Variants in SELENOI observed in about 807,000 individuals in gnomAD.
The protein encoded by SELENOI is selenoprotein I.
SELENOI carries 24 observed loss-of-function variants against 50.7 expected under a neutral mutation model. The observed-to-expected ratio is 0.47, with a 90% confidence interval of 0.34 to 0.67. SELENOI has a LOEUF of 0.67. SELENOI is among the 30% of genes least tolerant of loss of function. The pLI, the probability that SELENOI is intolerant of heterozygous loss-of-function variation, is 0.01. For synonymous variants in SELENOI, 155 were observed against 170.2 expected, an observed-to-expected ratio of 0.91 and a Z score of 0.70; for missense variants, 352 against 461.4, an observed-to-expected ratio of 0.76 and a Z score of 2.17.
intron 1 of SELENOI, among the ~76,000 whole-genome samples, chr2:26,347,358 A>G (rs944245560): frequency 6.6e-6 from 1 of 152,156 alleles, no homozygotes; most frequent in Non-Finnish European, 1.5e-5. Flanking sequence ...TGCTATGTGC[A>G]TACTAGGCAC....
At chr2:26,387,611 G>A (rs553308809) in intron 9 of SELENOI, among the ~76,000 whole-genome samples, 17 of 150,520 alleles carry the variant, frequency 1.1e-4, no homozygotes, top group Admixed American at 6.0e-4. Context: ...TGGGAGGATC[G>A]CTGGAGCCCA....
At position 26,364,889 on chromosome 2, in the gene SELENOI, G is replaced by A. The variant is rs755955422; in HGVS notation, c.184G>A (p.Val62Ile). 2.5e-6 allele frequency: 4 copies of A among 1,609,862 alleles called. No homozygotes were observed. The highest frequency in any genetic ancestry group is 2.2e-5 in the South Asian group (2 of 90,106). The change falls in exon 3 of 10, where the codon GTA (valine) becomes ATA (isoleucine). Residue 62 changes from valine (V) to isoleucine (I), a missense_variant. Physicochemically the swap from Val to Ile is conservative, Grantham distance 29. Coordinates refer to ENST00000260585, the MANE Select transcript of SELENOI (RefSeq NM_033505.4). Reference sequence around the variant, plus strand: ...AACTTTTTCTGGCTTTCTGCTGGTCGTATTCAATTTTCTGCTAATGGCATA... The same window carrying A: ...AACTTTTTCTGGCTTTCTGCTGGTCATATTCAATTTTCTGCTAATGGCATA... Reference protein sequence around the residue: ...LITFSGFLLVVFNFLLMAYFD... With the variant: ...LITFSGFLLVIFNFLLMAYFD...
chr2:26,355,091 G>A (rs1443868240), intron 1 of SELENOI, among the ~76,000 whole-genome samples: 4 of 152,206 alleles, frequency 2.6e-5, no homozygotes, highest in Admixed American at 2.6e-4. Flanking sequence ...AAAACTGAAT[G>A]AGTTAAAATT....
At chr2:26,372,699 C>A (rs544143815) in intron 4 of SELENOI, among the ~76,000 whole-genome samples, 1 of 152,110 alleles carries the variant, frequency 6.6e-6, no homozygotes, top group African/African-American at 2.4e-5. Context: ...ATGGCATGTT[C>A]GCTGGAAGCT....
intron 6 of SELENOI, among the ~76,000 whole-genome samples, chr2:26,377,249 T>A (rs1677586903): frequency 6.6e-6 from 1 of 152,230 alleles, no homozygotes; most frequent in South Asian, 2.1e-4. Flanking sequence ...TAACTTTTAT[T>A]CATCTGTCTT....
intron 1 of SELENOI, 98 bp from the exon 2 acceptor site, chr2:26,364,204 C>T: frequency 1.1e-6 from 1 of 879,730 alleles, no homozygotes; most frequent in Non-Finnish European, 1.8e-6. Flanking sequence ...GCATGCGCCA[C>T]TGCGCCTGGC....
chr2:26,366,665 C>G (rs1332703820), intron 3 of SELENOI, among the ~76,000 whole-genome samples: 1 of 152,160 alleles, frequency 6.6e-6, no homozygotes, highest in East Asian at 1.9e-4. Flanking sequence ...CTAGATATTT[C>G]AGAATGATTC....
chr2:26,371,175 C>A (rs959527494), intron 4 of SELENOI, among the ~76,000 whole-genome samples: 2 of 151,614 alleles, frequency 1.3e-5, no homozygotes, highest in African/African-American at 4.8e-5. Flanking sequence ...CACCTCCCTC[C>A]CGGACGGGGT....
At position 26,393,627 on chromosome 2, in the gene SELENOI, TG is replaced by T. The variant is rs1393682151; in HGVS notation, c.*4526del. The T allele has an allele frequency of 6.6e-6, 1 of 152,268 alleles. No homozygotes were observed. The highest frequency in any genetic ancestry group is 2.4e-5 in the African/African-American group (1 of 41,472). The allele number at this position is 152,268 out of a possible 1,614,324, so 9.4% of individuals were successfully genotyped here. A position where few individuals can be genotyped will look rare whatever the true frequency, so the allele number is the denominator to read the frequency against. On this transcript the variant is annotated 3_prime_UTR_variant, in exon 10 of 10. Transcript: ENST00000260585. ...CACTTGGACTGCAGCAGGATTGTTCTGGTCTTCCACAGACCATTCACATGGT... is the reference window on the plus strand; with the variant it reads ...CACTTGGACTGCAGCAGGATTGTTCTGTCTTCCACAGACCATTCACATGGT...
Position 26,364,078 on chromosome 2 carries a change from CTTT to C in SELENOI, c.58-205_58-203del, listed in dbSNP as rs59396679. Among the ~76,000 whole-genome samples the C allele has an allele frequency of 3.0e-3, 342 of 114,896 alleles. 2 individuals carry two copies. In the South Asian group the frequency reaches 0.048, roughly 16 times the overall value. The allele number at this position is 114,896 out of a possible 152,430, so 75.4% of individuals were successfully genotyped here. ...TTGTACTATTACTTTCTTTCTCCCCCTTTTTTTTTTTTTTTTTTTTTGGAGATG... is the reference window on the plus strand; with the variant it reads ...TTGTACTATTACTTTCTTTCTCCCCCTTTTTTTTTTTTTTTTTTGGAGATG... On this transcript the variant is annotated intron_variant, in intron 1 of 9. Transcript: ENST00000260585.
rs1265232529 is a variant in SELENOI at position 26,389,932 on chromosome 2, T to C, written c.*829T>C. ...GACTTAGGAGGAATGCAGATAAAAG[T>C]ACCTTGTAAGATAAATATAAATTGG... On this transcript the variant is annotated 3_prime_UTR_variant, in exon 10 of 10. Transcript: ENST00000260585. The C allele has an allele frequency of 2.0e-5, 3 of 151,934 alleles. No homozygotes were observed. Among genetic ancestry groups the C allele is most frequent in the African/African-American group, 4.8e-5 (2 of 41,266 alleles). 9.4% of individuals were successfully genotyped at this position (151,934 alleles called of 1,614,324 possible).
In SELENOI at chr2:26,388,592, G is replaced by C. The variant is rs558310873; in HGVS notation, c.1096-413G>C. ...CACTAGAGATACCCTAACTAATAAG[G>C]CCTCTCCAAATTCATAGATCTAGTT... On this transcript the variant is annotated intron_variant, in intron 9 of 9. Coordinates refer to ENST00000260585, the MANE Select transcript of SELENOI (RefSeq NM_033505.4). Among the ~76,000 whole-genome samples, 22 of 152,202 alleles carry C rather than the reference G, an allele frequency of 1.4e-4. No homozygotes were observed. In the South Asian group the frequency reaches 4.1e-3, roughly 29 times the overall value.
rs1464415649 is a variant in SELENOI at position 26,389,655 on chromosome 2, A to G, written c.*552A>G. The G allele has an allele frequency of 2.0e-5, 3 of 153,758 alleles. No individual in the cohort carries two copies. Among genetic ancestry groups the G allele is most frequent in the Non-Finnish European group, 4.4e-5 (3 of 68,792 alleles). The allele number at this position is 153,758 out of a possible 1,614,324, so 9.5% of individuals were successfully genotyped here. A position where few individuals can be genotyped will look rare whatever the true frequency, so the allele number is the denominator to read the frequency against. On this transcript the variant is annotated 3_prime_UTR_variant, in exon 10 of 10. Transcript: ENST00000260585. ...ATGGCTTTTGTTCTCAAATGATAAGAGAGCTAATACATTTAGCTAATATTC... is the reference window on the plus strand; with the variant it reads ...ATGGCTTTTGTTCTCAAATGATAAGGGAGCTAATACATTTAGCTAATATTC...
intron 1 of SELENOI, among the ~76,000 whole-genome samples, chr2:26,362,351 C>A (rs1558413873): frequency 6.6e-6 from 1 of 152,124 alleles, no homozygotes; most frequent in Admixed American, 6.5e-5. Context: ...GTATTTCTTC[C>A]ATATTCATAA....
chr2:26,378,837 T>A (rs559359804), intron 6 of SELENOI, among the ~76,000 whole-genome samples: 1 of 152,320 alleles, frequency 6.6e-6, no homozygotes, highest in South Asian at 2.1e-4. Context: ...TTAAAGCAAA[T>A]CCCAGATATC....
At chr2:26,352,413 G>A (rs755105652) in intron 1 of SELENOI, among the ~76,000 whole-genome samples, 1 of 152,170 alleles carries the variant, frequency 6.6e-6, no homozygotes, top group Non-Finnish European at 1.5e-5. Flanking sequence ...AAAGATAGAC[G>A]TCAAAACAGG....
intron 6 of SELENOI, 79 bp downstream of exon 6, chr2:26,375,227 C>A: frequency 1.1e-6 from 1 of 872,660 alleles, no homozygotes; most frequent in Non-Finnish European, 1.8e-6. Flanking sequence ...TAACAAGCAA[C>A]AACACCCTTT....
chr2:26,349,452 G>A (rs529260310), intron 1 of SELENOI, among the ~76,000 whole-genome samples: 163 of 151,722 alleles, frequency 1.1e-3, no homozygotes, highest in Middle Eastern at 3.4e-3. Flanking sequence ...GATTACAGGC[G>A]CCTGCCACCA....
intron 6 of SELENOI, among the ~76,000 whole-genome samples, chr2:26,381,539 C>T (rs995883808): frequency 1.2e-4 from 18 of 152,256 alleles, no homozygotes; most frequent in Middle Eastern, 3.4e-3. Flanking sequence ...TAAAATTACT[C>T]TTGGTGGCAA....
Sources: allele counts gnomAD v4.1 joint callset (sites outside exome capture counted in the v4.1 genomes callset), GRCh38; gene constraint gnomAD v4.1.1; transcripts MANE v1.5; gene names NCBI Gene and HGNC (gene_info 2026-07-23, HGNC 2026-07-21).